Variants in STOX2 observed in about 807,000 individuals in gnomAD.
STOX2 encodes storkhead-box protein 2.
STOX2 carries 28 observed loss-of-function variants against 60.9 expected under a neutral mutation model. That is an observed-to-expected ratio of 0.46 (90% confidence interval 0.34 to 0.63). The LOEUF is 0.63. STOX2 is among the 30% of genes least tolerant of loss of function. The pLI is 0.01. For missense variants in STOX2, 1,024 were observed against 1,187.7 expected, an observed-to-expected ratio of 0.86 and a Z score of 2.03; for synonymous variants, 472 against 463.9, an observed-to-expected ratio of 1.02 and a Z score of -0.22.
intron 1 of STOX2, among the ~76,000 whole-genome samples, chr4:183,876,900 G>A (rs953064727): frequency 2.0e-5 from 3 of 152,230 alleles, no homozygotes; most frequent in Admixed American, 6.5e-5. Context: ...TTTCTAGACT[G>A]AGAACGGTTG....
chr4:183,881,925 C>T (rs1260451818), intron 1 of STOX2, among the ~76,000 whole-genome samples: 1 of 152,182 alleles, frequency 6.6e-6, no homozygotes, highest in African/African-American at 2.4e-5. Flanking sequence ...GAACCAACAA[C>T]TTTAAAAGTA....
rs999667272 is a variant in STOX2, at chr4:184,009,205, C to T, written c.367C>T (p.Leu123=). Residue 123 remains leucine, a synonymous_variant, in exon 3 of 4, where the codon CTG becomes TTG. Coordinates refer to ENST00000308497, the MANE Select transcript of STOX2 (RefSeq NM_020225.3). This position sits in a 1 kb window ranked among gnomAD's most constrained non-coding sequence, Gnocchi z 4.0. ...QEILRHTLNT[L]VRERKIYPTP... ...AATTCTGCGGCACACGCTGAACACG[C>T]TGGTACGGGAGAGGAAGATCTACCC... is the stretch of plus-strand genomic sequence containing the variant. The T allele has an allele frequency of 6.3e-7, 1 of 1,598,384 alleles. No homozygotes were observed. Among genetic ancestry groups the T allele is most frequent in the Non-Finnish European group, 8.5e-7 (1 of 1,172,606 alleles).
chr4:183,917,826 C>T (rs1169437818), intron 1 of STOX2, among the ~76,000 whole-genome samples: 2 of 152,344 alleles, frequency 1.3e-5, no homozygotes, highest in East Asian at 3.8e-4. Context: ...ATCAGACATT[C>T]ATACATTGGT....
intron 1 of STOX2, among the ~76,000 whole-genome samples, chr4:183,802,668 C>A (rs778877024): frequency 6.7e-6 from 1 of 150,096 alleles, no homozygotes; most frequent in African/African-American, 2.5e-5. Context: ...TGCAGTGGTG[C>A]GATCTCGGCT....
intron 1 of STOX2, among the ~76,000 whole-genome samples, chr4:183,835,604 G>A (rs1372152474): frequency 6.6e-6 from 1 of 152,122 alleles, no homozygotes; most frequent in Non-Finnish European, 1.5e-5. Context: ...ATGTCTGTCT[G>A]TTTTCAATCT....
intron 1 of STOX2, among the ~76,000 whole-genome samples, chr4:183,916,576 G>A (rs1741937099): frequency 6.6e-6 from 1 of 152,130 alleles, no homozygotes; most frequent in African/African-American, 2.4e-5. Context: ...ATATCCCTAT[G>A]ACTGATTTTG....
upstream of STOX2, among the ~76,000 whole-genome samples, chr4:183,901,567 C>T (rs1227706629): frequency 1.3e-5 from 2 of 150,630 alleles, no homozygotes; most frequent in Non-Finnish European, 2.9e-5. Context: ...CACATAATTG[C>T]CAATGTTTGT....
At chr4:183,832,929 C>T (rs1472565773) in intron 1 of STOX2, among the ~76,000 whole-genome samples, 4 of 152,226 alleles carry the variant, frequency 2.6e-5, no homozygotes, top group Admixed American at 1.3e-4. Flanking sequence ...TTCACCTCTG[C>T]AGACCAAACA....
chr4:184,006,330 C>T (rs1733824995), intron 2 of STOX2, among the ~76,000 whole-genome samples: 1 of 152,118 alleles, frequency 6.6e-6, no homozygotes, highest in Admixed American at 6.5e-5. Context: ...TAAACATGGG[C>T]TTGTTATCTT....
Position 183,906,686 on chromosome 4 carries a change from G to A in STOX2, c.-105G>A. ...CGACGAGGAGGGGCTGGGAAAATGT[G>A]CGCAGAGTCCGCCCGGGTCGTGCCC... On this transcript the variant is annotated 5_prime_UTR_variant, in exon 1 of 4. Transcript: ENST00000308497. The A allele has an allele frequency of 1.6e-6, 2 of 1,264,026 alleles. No individual in the cohort carries two copies. Among genetic ancestry groups the A allele is most frequent in the Non-Finnish European group, 2.1e-6 (2 of 943,198 alleles). 78.3% of individuals were successfully genotyped at this position (1,264,026 alleles called of 1,614,324 possible). A position where few individuals can be genotyped will look rare whatever the true frequency, so the allele number is the denominator to read the frequency against.
intron 1 of STOX2, among the ~76,000 whole-genome samples, chr4:183,899,167 G>A (rs1304157892): frequency 1.3e-5 from 2 of 152,208 alleles, no homozygotes; most frequent in African/African-American, 4.8e-5. Flanking sequence ...TGATCCGTAA[G>A]TGTTGTGTGC....
intron 1 of STOX2, among the ~76,000 whole-genome samples, chr4:183,982,512 T>C (rs978574951): frequency 5.3e-5 from 8 of 152,212 alleles, no homozygotes; most frequent in African/African-American, 1.4e-4. Flanking sequence ...AAAATCAATT[T>C]TATGCAACTA....
At chr4:183,891,257 A>G (rs1741200882) in intron 1 of STOX2, among the ~76,000 whole-genome samples, 1 of 150,748 alleles carries the variant, frequency 6.6e-6, no homozygotes, top group Non-Finnish European at 1.5e-5. Context: ...TGAGTGGATA[A>G]AGAAACTGGT....
chr4:183,999,062 A>AC (rs1362865564), intron 1 of STOX2, among the ~76,000 whole-genome samples: 1 of 152,178 alleles, frequency 6.6e-6, no homozygotes, highest in Non-Finnish European at 1.5e-5. Flanking sequence ...AAACAAACAA[A>AC]AAAACAAAAA....
chr4:183,875,653 T>C (rs1249687174), intron 1 of STOX2, among the ~76,000 whole-genome samples: 1 of 152,236 alleles, frequency 6.6e-6, no homozygotes, highest in Non-Finnish European at 1.5e-5. Context: ...CAAAGAAGGA[T>C]GGAAGAGGAG....
chr4:183,856,150 A>G lies in STOX2; in HGVS notation c.364+58095A>G, dbSNP rs1740281773. Among the ~76,000 whole-genome samples the G allele has an allele frequency of 6.6e-6, 1 of 152,180 alleles. No homozygotes were observed. Among genetic ancestry groups the G allele is most frequent in the Non-Finnish European group, 1.5e-5 (1 of 68,026 alleles). The stretch of plus-strand genomic sequence containing the variant: ...CTGGGGTCTCGAATAGGCTGGTCAC[A>G]GATTTCTAGGACACTGAGGCCCATT... On this transcript the variant is annotated intron_variant, in intron 1 of 2. Transcript: ENST00000513034. The surrounding 1 kb of genome is among the most constrained non-coding windows in gnomAD (Gnocchi z 4.0).
chr4:183,965,569 T>C (rs1355369833), intron 1 of STOX2, among the ~76,000 whole-genome samples: 1 of 152,238 alleles, frequency 6.6e-6, no homozygotes, highest in African/African-American at 2.4e-5. Flanking sequence ...TCTGTCCTTA[T>C]GTAATGTCCT....
intron 1 of STOX2, among the ~76,000 whole-genome samples, chr4:183,860,449 A>C (rs6851815): frequency 0.061 from 9,064 of 149,740 alleles, 936 homozygotes; most frequent in African/African-American, 0.21. Context: ...AAACAAAAAA[A>C]AAAAAAAAAG....
intron 1 of STOX2, among the ~76,000 whole-genome samples, chr4:183,880,128 A>C (rs1740923193): frequency 6.6e-6 from 1 of 151,966 alleles, no homozygotes; most frequent in Non-Finnish European, 1.5e-5. Context: ...ACAGGCATGC[A>C]CCACCATGCC....
Sources: gnomAD v4.1 joint callset for allele counts (sites outside exome capture counted in the v4.1 genomes callset) on GRCh38, gnomAD v4.1.1 for gene constraint, Gnocchi (gnomAD v3.1) non-coding constraint, MANE v1.5 for transcripts, NCBI Gene and HGNC (gene_info 2026-07-23, HGNC 2026-07-21) for gene names.